Variants in NBEA observed in about 807,000 individuals in gnomAD.
NBEA encodes the protein neurobeachin.
In NBEA, 44 loss-of-function variants were observed where a neutral mutation model predicts 343.4. The ratio of observed to expected loss-of-function variants is 0.13; its 90% confidence interval spans 0.10 to 0.16. NBEA has a LOEUF of 0.16. NBEA is among the 10% of genes least tolerant of loss of function. NBEA has a pLI of 1.00. For synonymous variants in NBEA, 1,175 were observed against 1,238.7 expected (o/e 0.95, Z 1.08); for missense variants, 2,555 against 3,631.3 (o/e 0.70, Z 7.62).
intron 1 of NBEA, among the ~76,000 whole-genome samples, chr13:34,980,451 C>CATTTATTTATTT (rs10569517): frequency 4.9e-4 from 73 of 147,592 alleles, no homozygotes; most frequent in Non-Finnish European, 9.1e-4. Flanking sequence ...ATTTTTATTA[C>CATTTATTTATTT]ATTTATTTAT....
At chr13:35,177,555 C>G (rs898123311) in intron 28 of NBEA, among the ~76,000 whole-genome samples, 2 of 151,638 alleles carry the variant, frequency 1.3e-5, no homozygotes, top group Non-Finnish European at 3.0e-5. Flanking sequence ...ATACAGGTAT[C>G]TATGGGAATT....
At chr13:35,519,019 A>G (rs1001740721) in intron 41 of NBEA, among the ~76,000 whole-genome samples, 3 of 152,216 alleles carry the variant, frequency 2.0e-5, no homozygotes, top group African/African-American at 7.2e-5. Flanking sequence ...TGTGAAAGGA[A>G]AAAGCAAGCA....
chr13:35,086,581 T>C (rs1480759622), intron 10 of NBEA, among the ~76,000 whole-genome samples: 1 of 151,966 alleles, frequency 6.6e-6, no homozygotes, highest in Non-Finnish European at 1.5e-5. Context: ...TAGGTTGATT[T>C]CATAGCTTTG....
intron 22 of NBEA, among the ~76,000 whole-genome samples, chr13:35,161,233 A>G (rs1381755553): frequency 6.6e-6 from 1 of 152,146 alleles, no homozygotes; most frequent in Non-Finnish European, 1.5e-5. Flanking sequence ...TTTGGAGTTT[A>G]TAGACATTTT....
At chr13:35,348,188 A>G (rs1302019034) in intron 36 of NBEA, among the ~76,000 whole-genome samples, 2 of 152,152 alleles carry the variant, frequency 1.3e-5, no homozygotes, top group Non-Finnish European at 2.9e-5. Flanking sequence ...GCCACATGTT[A>G]TTAAAGAAGT....
chr13:34,942,916 C>A lies in NBEA; in HGVS notation c.96C>A (p.Ser32Arg). The A allele has an allele frequency of 6.7e-7, 1 of 1,499,724 alleles. No homozygotes were observed. Among genetic ancestry groups the A allele is most frequent in the Non-Finnish European group, 8.9e-7 (1 of 1,121,634 alleles). 92.9% of individuals were successfully genotyped at this position (1,499,724 alleles called of 1,614,324 possible). ...CCGCTGGCGGAGGCGGCGGGGGCAG[C>A]GGTGGTGGCGGCACCGGGGGCAGCG... is the stretch of plus-strand genomic sequence containing the variant. ...VGAAGGGGGG[S>R]GGGGTGGSGM... Residue 32 changes from serine (S) to arginine (R), a missense_variant, in exon 1 of 59, where the codon AGC (serine) becomes AGA (arginine). By Grantham distance (110) the Ser-to-Arg change is moderately radical (BLOSUM62 -1). Coordinates refer to ENST00000379939, the MANE Select transcript of NBEA (RefSeq NM_001385012.1).
chr13:35,491,610 T>A (rs553528460), intron 41 of NBEA, among the ~76,000 whole-genome samples: 1 of 151,972 alleles, frequency 6.6e-6, no homozygotes, highest in East Asian at 1.9e-4. Context: ...TGCCCATCTC[T>A]CACCAACTTT....
At chr13:35,311,196 C>G (rs1261751388) in intron 36 of NBEA, among the ~76,000 whole-genome samples, 1 of 152,040 alleles carries the variant, frequency 6.6e-6, no homozygotes, top group African/African-American at 2.4e-5. Flanking sequence ...CAATTATTAT[C>G]CGTTTTCAGG....
intron 55 of NBEA, among the ~76,000 whole-genome samples, 195 bp downstream of exon 55, chr13:35,655,944 A>C (rs2084793436): frequency 6.6e-6 from 1 of 152,172 alleles, no homozygotes; most frequent in South Asian, 2.1e-4. Flanking sequence ...TACAACATGG[A>C]GAGACTTCCA....
intron 1 of NBEA, among the ~76,000 whole-genome samples, chr13:35,015,225 G>A (rs764414748): frequency 1.3e-5 from 2 of 148,428 alleles, no homozygotes; most frequent in Non-Finnish European, 3.0e-5. Flanking sequence ...AATCTGGTTA[G>A]TAGTTCTGTG....
At chr13:35,184,590 A>C (rs1293828302) in intron 30 of NBEA, among the ~76,000 whole-genome samples, 1 of 152,142 alleles carries the variant, frequency 6.6e-6, no homozygotes, top group Non-Finnish European at 1.5e-5. Context: ...TGCATAAGCA[A>C]AAGAAAAAAA....
At chr13:35,154,048 G>C (rs545201192) in intron 18 of NBEA, among the ~76,000 whole-genome samples, 1 of 152,258 alleles carries the variant, frequency 6.6e-6, no homozygotes, top group Admixed American at 6.5e-5. Context: ...GTGAAATGCT[G>C]TTTAGTTTTA....
At position 34,942,816 on chromosome 13, in the gene NBEA, G is replaced by A. The variant is rs1439264241; in HGVS notation, c.-5G>A. On this transcript the variant is annotated 5_prime_UTR_variant, in exon 1 of 59. Coordinates refer to ENST00000379939, the MANE Select transcript of NBEA (RefSeq NM_001385012.1). ...GCTCTTCCCTTCTCCTCAGGAGGGG[G>A]GCCAATGGCTAGCGAGAAGCCGGGC... 2.9e-6 allele frequency: 4 copies of A among 1,361,932 alleles called. No homozygotes were observed. The highest frequency in any genetic ancestry group is 3.8e-6 in the Non-Finnish European group (4 of 1,057,566). 84.4% of individuals were successfully genotyped at this position (1,361,932 alleles called of 1,614,324 possible). A position where few individuals can be genotyped will look rare whatever the true frequency, so the allele number is the denominator to read the frequency against.
intron 18 of NBEA, among the ~76,000 whole-genome samples, chr13:35,142,697 C>T (rs751585905): frequency 5.9e-5 from 9 of 152,076 alleles, no homozygotes; most frequent in Non-Finnish European, 1.2e-4. Context: ...CATCCCCACC[C>T]CTCTGTTTTT....
At chr13:35,584,775 C>T (rs557210940) in intron 46 of NBEA, among the ~76,000 whole-genome samples, 1 of 152,050 alleles carries the variant, frequency 6.6e-6, no homozygotes, top group Non-Finnish European at 1.5e-5. Flanking sequence ...ACTGGGATTA[C>T]AGGCGTGAGC....
At chr13:35,574,380 C>CAAAAAAAA (rs1313695369) in intron 45 of NBEA, among the ~76,000 whole-genome samples, 21 of 124,496 alleles carry the variant, frequency 1.7e-4, no homozygotes, top group African/African-American at 3.6e-4. Context: ...TATACACTAT[C>CAAAAAAAA]AAAAAAAAAG....
intron 18 of NBEA, among the ~76,000 whole-genome samples, chr13:35,151,416 G>T (rs1425287858): frequency 6.6e-6 from 1 of 151,766 alleles, no homozygotes; most frequent in Non-Finnish European, 1.5e-5. Context: ...GGTGGCGCAT[G>T]CCTGTAATTA....
At chr13:35,494,620 CA>C (rs2076609114) in intron 41 of NBEA, among the ~76,000 whole-genome samples, 1 of 151,632 alleles carries the variant, frequency 6.6e-6, no homozygotes, top group Non-Finnish European at 1.5e-5. Flanking sequence ...AAGAGGTGAA[CA>C]AAAAAGATAT....
intron 1 of NBEA, among the ~76,000 whole-genome samples, chr13:35,033,578 C>A (rs2062323579): frequency 1.3e-5 from 2 of 151,936 alleles, no homozygotes; most frequent in African/African-American, 4.8e-5. Flanking sequence ...TGCATTGAAT[C>A]TATAGATTGC....
Sources: allele counts gnomAD v4.1 joint callset (sites outside exome capture counted in the v4.1 genomes callset), GRCh38; gene constraint gnomAD v4.1.1; transcripts MANE v1.5; gene names NCBI Gene and HGNC (gene_info 2026-07-23, HGNC 2026-07-21).